The following TMEM92 variants were observed in gnomAD, a reference collection of about 807,000 sequenced individuals.
TMEM92 encodes the protein transmembrane protein 92.
In TMEM92, 15 loss-of-function variants were observed where a neutral mutation model predicts 14.6. The observed-to-expected ratio is 1.03, with a 90% CI of 0.69 to 1.58. TMEM92 has a LOEUF of 1.58. TMEM92 is among the 40% of genes most tolerant of loss of function. The pLI, the probability that TMEM92 is intolerant of heterozygous loss-of-function variation, is 0.00. For synonymous variants in TMEM92, 85 were observed against 83.3 expected, an observed-to-expected ratio of 1.02 and a Z score of -0.11; for missense variants, 174 against 202.4, an observed-to-expected ratio of 0.86 and a Z score of 0.85.
rs1027085614 is a variant in TMEM92, at chr17:50,280,138, G to T, written c.*830G>T. 6.6e-6 allele frequency: 1 copy of T among 152,230 alleles called. No individual in the cohort carries two copies. The highest frequency in any genetic ancestry group is 2.4e-5 in the African/African-American group (1 of 41,404). 9.4% of individuals were successfully genotyped at this position (152,230 alleles called of 1,614,324 possible). Reference sequence around the variant, plus strand: ...CTGGCTGTCTTACCATGAGAAGTTGGTAAGTTGGCTGTGAGGGGGTTGGAT... The same window carrying T: ...CTGGCTGTCTTACCATGAGAAGTTGTTAAGTTGGCTGTGAGGGGGTTGGAT... On this transcript the variant is annotated 3_prime_UTR_variant, in exon 5 of 5. Transcript: ENST00000507382.
At chr17:50,273,934 G>T (rs1910332681), upstream of TMEM92, among the ~76,000 whole-genome samples, 1 of 152,068 alleles carries the variant, frequency 6.6e-6, no homozygotes, top group Non-Finnish European at 1.5e-5. Context: ...CCAGCTCAGC[G>T]GTGTGGAGTT....
chr17:50,272,903 GAGAAACTGGGTGCGGACAGATGGGAAGA>G (rs1910295356), upstream of TMEM92, among the ~76,000 whole-genome samples: 1 of 152,048 alleles, frequency 6.6e-6, no homozygotes, highest in African/African-American at 2.4e-5. Context: ...GGGAACTCGA[GAGAAACTGGGTGCGGACAGATGGGAAGA>G]AACCGAAACA....
At chr17:50,273,037 G>A (rs917466116), upstream of TMEM92, among the ~76,000 whole-genome samples, 11 of 151,136 alleles carry the variant, frequency 7.3e-5, no homozygotes, top group African/African-American at 1.2e-4. Flanking sequence ...AGGGTGAGAG[G>A]CAGAGAGCAA....
intron 2 of TMEM92, 96 bp from the exon 3 acceptor site, chr17:50,278,460 G>T (rs918819223): frequency 7.1e-7 from 1 of 1,405,508 alleles, no homozygotes; most frequent in Non-Finnish European, 9.9e-7. Flanking sequence ...TGTGCCATGA[G>T]CATCTTGGGT....
upstream of TMEM92, among the ~76,000 whole-genome samples, chr17:50,272,244 G>C (rs1282455929): frequency 6.6e-6 from 1 of 151,296 alleles, no homozygotes; most frequent in Non-Finnish European, 1.5e-5. Flanking sequence ...CCCCACTCCT[G>C]CTGACCCCCC....
In TMEM92 at chr17:50,279,013, C is replaced by T. The variant is rs1360999240; in HGVS notation, c.366+17C>T. The T allele has an allele frequency of 1.3e-6, 2 of 1,554,778 alleles. No homozygotes were observed. Among genetic ancestry groups the T allele is most frequent in the Non-Finnish European group, 8.8e-7 (1 of 1,130,900 alleles). ...TACAGTGAGGTGGGTGTCTCATCCC[C>T]ATCCCCACCTTGCCTCTGGCCGGCT... On this transcript the variant is annotated intron_variant, in intron 4 of 4. Coordinates refer to ENST00000507382, the MANE Select transcript of TMEM92 (RefSeq NM_153229.3).
chr17:50,278,308 ACTT>A (rs954749032), intron 2 of TMEM92, among the ~76,000 whole-genome samples: 3 of 152,036 alleles, frequency 2.0e-5, no homozygotes, highest in Non-Finnish European at 4.4e-5. Flanking sequence ...TCAACAGGAT[ACTT>A]CTTCTACCCG....
chr17:50,275,246 G>T (rs767354985), intron 1 of TMEM92, among the ~76,000 whole-genome samples: 1 of 152,028 alleles, frequency 6.6e-6, no homozygotes, highest in Non-Finnish European at 1.5e-5. Flanking sequence ...ACAGAGACGG[G>T]TCTAGAACAT....
At chr17:50,273,001 A>T (rs1391168721), upstream of TMEM92, among the ~76,000 whole-genome samples, 1 of 152,098 alleles carries the variant, frequency 6.6e-6, no homozygotes, top group Non-Finnish European at 1.5e-5. Context: ...TAAGACAGAG[A>T]ACATGACTGG....
Position 50,279,465 on chromosome 17 carries a change from C to G in TMEM92, c.*157C>G. 1.5e-6 allele frequency: 1 copy of G among 653,058 alleles called. No individual in the cohort carries two copies. The allele number at this position is 653,058 out of a possible 1,614,324, so 40.5% of individuals were successfully genotyped here. A position where few individuals can be genotyped will look rare whatever the true frequency, so the allele number is the denominator to read the frequency against. On this transcript the variant is annotated 3_prime_UTR_variant, in exon 5 of 5. Transcript: ENST00000507382. ...CTTATTACTTTTTCTGCTTCTGTTT[C>G]CACCCCAGCTGCCTCTCTTGTCCTG... is the stretch of plus-strand genomic sequence containing the variant.
intron 1 of TMEM92, among the ~76,000 whole-genome samples, chr17:50,277,119 G>C (rs1377253476): frequency 6.6e-6 from 1 of 152,272 alleles, no homozygotes; most frequent in African/African-American, 2.4e-5. Flanking sequence ...GCAGAGCATG[G>C]AATCCCTTAG....
At chr17:50,272,781 C>T (rs1269892910), upstream of TMEM92, among the ~76,000 whole-genome samples, 1 of 151,518 alleles carries the variant, frequency 6.6e-6, no homozygotes, top group Non-Finnish European at 1.5e-5. Flanking sequence ...CAGGACCAAA[C>T]CAGGGACAAG....
Position 50,279,668 on chromosome 17 carries a change from A to T in TMEM92, c.*360A>T. ...ACTGGACAGCCAGCTCTGAGATTTT[A>T]TCAGGGCACTTCTATACCTGTGGGA... On this transcript the variant is annotated 3_prime_UTR_variant, in exon 5 of 5. Coordinates refer to ENST00000507382, the MANE Select transcript of TMEM92 (RefSeq NM_153229.3). The T allele has an allele frequency of 9.7e-6, 3 of 309,186 alleles. No individual in the cohort carries two copies. The highest frequency in any genetic ancestry group is 8.1e-5 in the South Asian group (3 of 37,100). 19.2% of individuals were successfully genotyped at this position (309,186 alleles called of 1,614,324 possible). A position where few individuals can be genotyped will look rare whatever the true frequency, so the allele number is the denominator to read the frequency against.
At chr17:50,273,840 T>TC (rs1910329847), upstream of TMEM92, among the ~76,000 whole-genome samples, 3 of 151,856 alleles carry the variant, frequency 2.0e-5, no homozygotes, top group Admixed American at 1.3e-4. Context: ...GGCTTCCACG[T>TC]CCCCTTCCCA....
At chr17:50,272,809 ACCGAGAAAAACAGACGCCTCCGCCGAGG>A (rs1451944496), upstream of TMEM92, among the ~76,000 whole-genome samples, 2 of 152,028 alleles carry the variant, frequency 1.3e-5, no homozygotes, top group Non-Finnish European at 2.9e-5. Context: ...GACCAGAGAA[ACCGAGAAAAACAGACGCCTCCGCCGAGG>A]CAGACAGAGG....
chr17:50,276,671 A>G (rs1567787862), intron 1 of TMEM92, among the ~76,000 whole-genome samples: 1 of 152,184 alleles, frequency 6.6e-6, no homozygotes, highest in Non-Finnish European at 1.5e-5. Flanking sequence ...CCTCCCCCAC[A>G]GTCTGGGAGC....
intron 2 of TMEM92, 84 bp downstream of exon 2, chr17:50,277,824 G>A (rs1456212515): frequency 1.3e-6 from 2 of 1,565,006 alleles, no homozygotes; most frequent in Non-Finnish European, 1.8e-6. Flanking sequence ...GGGGGTGTGG[G>A]AGGCCAGAAA....
In TMEM92 at chr17:50,279,535, G is replaced by C. The variant is rs1910547736; in HGVS notation, c.*227G>C. The C allele has an allele frequency of 2.0e-6, 1 of 496,078 alleles. No homozygotes were observed. The highest frequency in any genetic ancestry group is 2.2e-5 in the South Asian group (1 of 44,900). 30.7% of individuals were successfully genotyped at this position (496,078 alleles called of 1,614,324 possible). On this transcript the variant is annotated 3_prime_UTR_variant, in exon 5 of 5. Transcript: ENST00000507382. ...AGTTTCCGCCCACCCCCCAGCCCAA[G>C]AAAGAGGCTGCCGGAAAGAAAATGC...
In TMEM92 at chr17:50,277,621, C is replaced by T. The variant is rs543315634; in HGVS notation, c.70-94C>T. 3.0e-5 allele frequency: 44 copies of T among 1,475,096 alleles called. No homozygotes were observed. In the East Asian group the frequency reaches 9.5e-4, roughly 32 times the overall value. The allele number at this position is 1,475,096 out of a possible 1,614,324, so 91.4% of individuals were successfully genotyped here. A position where few individuals can be genotyped will look rare whatever the true frequency, so the allele number is the denominator to read the frequency against. ...GGCTGAGTCTACTGGGGACCTGCTG[C>T]CTGTGAGGTACCTGGGCAGCATCTG... On this transcript the variant is annotated intron_variant, in intron 1 of 4. Transcript: ENST00000507382.
Sources: gnomAD v4.1 joint callset for allele counts (sites outside exome capture counted in the v4.1 genomes callset) on GRCh38, gnomAD v4.1.1 for gene constraint, MANE v1.5 for transcripts, NCBI Gene and HGNC (gene_info 2026-07-23, HGNC 2026-07-21) for gene names.